CATSPERG: variants seen among roughly 807,000 people sequenced by gnomAD.
The protein encoded by CATSPERG is catsper channel auxiliary subunit gamma.
Under a neutral mutation model 145.0 loss-of-function variants are expected in CATSPERG, and 115 were observed. That is an observed-to-expected ratio of 0.79 (90% CI 0.68 to 0.93). The LOEUF (loss-of-function observed/expected upper bound fraction) is 0.93, where lower values mean the gene tolerates loss of function less well. Among genes scored for constraint, CATSPERG ranks in the 40% least tolerant of loss-of-function variants. The pLI is 0.00. For missense variants in CATSPERG, 1,296 were observed against 1,490.1 expected (o/e 0.87, Z 2.14); for synonymous variants, 588 against 589.0 (o/e 1.00, Z 0.02).
chr19:38,361,172 C>T (rs1490213646), intron 16 of CATSPERG, among the ~76,000 whole-genome samples: 1 of 151,832 alleles, frequency 6.6e-6, no homozygotes, highest in Non-Finnish European at 1.5e-5. Flanking sequence ...ACAAAGTGAG[C>T]CTGGTGGTCA....
rs1200104071 is a variant in CATSPERG at position 38,362,887 on chromosome 19, T to G, written c.2475+55T>G. 9.1e-5 allele frequency: 116 copies of G among 1,277,600 alleles called. 2 individuals are homozygous for G. In the Admixed American group the frequency reaches 2.2e-3, roughly 25 times the overall value. 79.1% of individuals were successfully genotyped at this position (1,277,600 alleles called of 1,614,324 possible). On this transcript the variant is annotated intron_variant, in intron 20 of 28. Transcript: ENST00000409235. ...GGAGGTTTTGTTTTTTTTTTTTTTT[T>G]TTTTTTTTGGAGACAGGGTCTTGCT...
chr19:38,363,489 CTTTTTTTTTTTT>C (rs1173452820), intron 20 of CATSPERG, among the ~76,000 whole-genome samples: 1 of 128,248 alleles, frequency 7.8e-6, no homozygotes, highest in Admixed American at 7.9e-5. Flanking sequence ...TAGCCTATTC[CTTTTTTTTTTTT>C]TTTTTTTTAT....
Position 38,362,611 on chromosome 19 carries a change from G to A in CATSPERG, c.2356+37G>A, listed in dbSNP as rs773537568. 10 of 1,611,408 alleles carry A rather than the reference G, an allele frequency of 6.2e-6. No homozygotes were observed. The African/African-American group carries it at 1.2e-4, about 19-fold the overall frequency. On this transcript the variant is annotated intron_variant, in intron 19 of 28. Coordinates refer to ENST00000409235, the MANE Select transcript of CATSPERG (RefSeq NM_021185.5). ...ACCAGAGTGGAGCCCGAAGGGCGGG[G>A]CGAGGGCTACCAGAATCTGGGAGCC...
At position 38,368,072 on chromosome 19, in the gene CATSPERG, G is replaced by T; in HGVS notation, c.2955G>T (p.Thr985=). 1 of 1,614,104 alleles carries T rather than the reference G, an allele frequency of 6.2e-7. No individual in the cohort carries two copies. Among genetic ancestry groups the T allele is most frequent in the Non-Finnish European group, 8.5e-7 (1 of 1,180,022 alleles). ...LDKTNSLIWT[T]RTTRTTKDSA... is the part of the protein sequence containing the mutation. ...GGACCAACAGCCTTATCTGGACCAC[G>T]AGGACCACAAGGACCACCAAAGACT... Residue 985 remains threonine, a synonymous_variant, in exon 26 of 29, where the codon ACG becomes ACT. Transcript: ENST00000409235.
At chr19:38,343,899 A>G in intron 4 of CATSPERG, 94 bp from the exon 5 acceptor site, 6 of 1,476,260 alleles carry the variant, frequency 4.1e-6, no homozygotes, top group South Asian at 1.2e-5. Context: ...GGAGGCAGGT[A>G]TGGGGAGTTG....
intron 26 of CATSPERG, 59 bp downstream of exon 26, chr19:38,368,196 C>T: frequency 6.9e-7 from 1 of 1,450,292 alleles, no homozygotes; most frequent in Admixed American, 1.7e-5. Flanking sequence ...TTGGGCCCAC[C>T]TATCCTTTCT....
At chr19:38,349,789 C>T (rs1045850283) in intron 7 of CATSPERG, among the ~76,000 whole-genome samples, 8 of 152,126 alleles carry the variant, frequency 5.3e-5, no homozygotes, top group Non-Finnish European at 8.8e-5. Flanking sequence ...CTCAGCCTCC[C>T]GAGGAGCTGG....
intron 1 of CATSPERG, chr19:38,336,288 C>A (rs1023549795): frequency 4.5e-6 from 2 of 443,142 alleles, no homozygotes; most frequent in East Asian, 7.5e-5. Flanking sequence ...GAGGAAAGAT[C>A]CCGAGGCGAA....
intron 18 of CATSPERG, 24 bp downstream of exon 18, chr19:38,362,296 G>C (rs770681474): frequency 3.1e-6 from 5 of 1,613,524 alleles, no homozygotes; most frequent in South Asian, 1.1e-5. Flanking sequence ...ATTGGGAGCC[G>C]GGAAAGGGGC....
intron 3 of CATSPERG, among the ~76,000 whole-genome samples, chr19:38,340,926 G>A (rs1166317878): frequency 6.6e-6 from 1 of 152,070 alleles, no homozygotes; most frequent in African/African-American, 2.4e-5. Context: ...GGGGGTCGTT[G>A]GAGAAGGTCA....
At chr19:38,338,963 C>T (rs1969891129) in intron 3 of CATSPERG, among the ~76,000 whole-genome samples, 1 of 151,794 alleles carries the variant, frequency 6.6e-6, no homozygotes, top group East Asian at 1.9e-4. Context: ...GAGGGGGTGG[C>T]GACGAAGTCC....
At chr19:38,369,450 G>A (rs972129500) in intron 26 of CATSPERG, 6 of 198,500 alleles carry the variant, frequency 3.0e-5, no homozygotes, top group African/African-American at 1.2e-4. Flanking sequence ...TTGTAGAGAC[G>A]GGGTTTCACC....
chr19:38,342,924 C>G (rs1003720859), intron 3 of CATSPERG, among the ~76,000 whole-genome samples: 32 of 152,142 alleles, frequency 2.1e-4, no homozygotes, highest in Non-Finnish European at 3.8e-4. Flanking sequence ...CCCTCGTCCT[C>G]AGTCCCTTCC....
At chr19:38,367,460 G>T in intron 23 of CATSPERG, 49 bp from the exon 24 acceptor site, 1 of 1,589,604 alleles carries the variant, frequency 6.3e-7, no homozygotes, top group Non-Finnish European at 8.6e-7. Context: ...TCAGCTTCTC[G>T]GGCCAAGCTA....
At position 38,364,896 on chromosome 19, in the gene CATSPERG, G is replaced by T. The variant is rs755303255; in HGVS notation, c.2481G>T (p.Thr827=). ...INRNSVLFSI[T]LKDKKLCYDQ... is the part of the protein sequence containing the mutation. ...CTCCCCTCCTTCAACCCCAGATTAC[G>T]CTCAAGGATAAAAAGCTTTGCTATG... Residue 827 remains threonine (T), a synonymous_variant, in exon 21 of 29, where the codon ACG becomes ACT. Coordinates refer to ENST00000409235, the MANE Select transcript of CATSPERG (RefSeq NM_021185.5). The T allele has an allele frequency of 1.2e-6, 2 of 1,613,318 alleles. No homozygotes were observed. The highest frequency in any genetic ancestry group is 3.3e-5 in the Admixed American group (2 of 60,006).
intron 7 of CATSPERG, 140 bp downstream of exon 7, chr19:38,346,745 A>G (rs1289311960): frequency 1.3e-6 from 1 of 750,188 alleles, no homozygotes; most frequent in Non-Finnish European, 2.0e-6. Context: ...GCATGAAGAA[A>G]AAACACAAGA....
intron 13 of CATSPERG, 24 bp downstream of exon 13, chr19:38,358,585 G>T (rs1176669482): frequency 6.2e-7 from 1 of 1,613,862 alleles, no homozygotes; most frequent in South Asian, 1.1e-5. Context: ...ACCCCTGGGT[G>T]GGCCAGGCAT....
At chr19:38,359,752 G>T in intron 14 of CATSPERG, 171 bp downstream of exon 14, 1 of 1,368,838 alleles carries the variant, frequency 7.3e-7, no homozygotes, top group Non-Finnish European at 9.5e-7. Flanking sequence ...CTCAGGGTAA[G>T]TGTCAGCTCC....
chr19:38,359,600 C>T lies in CATSPERG; in HGVS notation c.1608+19C>T. Reference sequence around the variant, plus strand: ...GGAGGAGGTGGGCTGCCCCGCCCCTCTCCCCGTTCCCTCTCTGCCCACCCC... The same window carrying T: ...GGAGGAGGTGGGCTGCCCCGCCCCTTTCCCCGTTCCCTCTCTGCCCACCCC... On this transcript the variant is annotated intron_variant, in intron 14 of 28. Transcript: ENST00000409235. The T allele has an allele frequency of 6.2e-7, 1 of 1,601,938 alleles. No homozygotes were observed. The highest frequency in any genetic ancestry group is 2.2e-5 in the East Asian group (1 of 44,590).
Sources: gnomAD v4.1 joint callset for allele counts (sites outside exome capture counted in the v4.1 genomes callset) on GRCh38, gnomAD v4.1.1 for gene constraint, MANE v1.5 for transcripts, NCBI Gene and HGNC (gene_info 2026-07-23, HGNC 2026-07-21) for gene names.